The following DCC variants were observed in gnomAD, a reference collection of about 807,000 sequenced individuals.
DCC encodes DCC netrin 1 receptor.
In DCC, 58 loss-of-function variants were observed where a neutral mutation model predicts 172.5. The ratio of observed to expected loss-of-function variants is 0.34; its 90% CI spans 0.27 to 0.42. DCC has a LOEUF of 0.42. Ranked by LOEUF, DCC falls within the 10% of genes least tolerant of loss-of-function variation. The pLI is 1.00. For synonymous variants in DCC, 709 were observed against 644.5 expected, an observed-to-expected ratio of 1.10 and a Z score of -1.52; for missense variants, 1,740 against 1,791.0, an observed-to-expected ratio of 0.97 and a Z score of 0.51.
intron 1 of DCC, among the ~76,000 whole-genome samples, chr18:52,648,537 CTGTG>C (rs1258973309): frequency 2.0e-5 from 3 of 152,208 alleles, no homozygotes; most frequent in Non-Finnish European, 4.4e-5. Context: ...CTTTGTGATT[CTGTG>C]TATGTAGCAC....
intron 12 of DCC, among the ~76,000 whole-genome samples, chr18:53,260,907 C>T (rs2056589565): frequency 6.6e-6 from 1 of 152,156 alleles, no homozygotes; most frequent in Non-Finnish European, 1.5e-5. Context: ...CAATCGTAGG[C>T]ACCCCTCCCC....
At chr18:52,784,385 G>T (rs58016873) in intron 2 of DCC, among the ~76,000 whole-genome samples, 131 of 152,160 alleles carry the variant, frequency 8.6e-4, no homozygotes, top group African/African-American at 3.1e-3. Flanking sequence ...GGGGGTGAAG[G>T]TATCTCTTTG....
chr18:53,357,470 G>GA (rs1188455755), intron 15 of DCC, among the ~76,000 whole-genome samples: 2 of 152,080 alleles, frequency 1.3e-5, no homozygotes, highest in African/African-American at 4.8e-5. Flanking sequence ...TTTAAAATTG[G>GA]AAAAATCAAT....
intron 5 of DCC, among the ~76,000 whole-genome samples, chr18:52,972,694 G>T (rs1020314773): frequency 2.0e-5 from 3 of 152,120 alleles, no homozygotes; most frequent in Admixed American, 2.0e-4. Flanking sequence ...CCTCTTCTTT[G>T]CTATGTTAGC....
chr18:52,902,297 C>A (rs1255943174), intron 2 of DCC, among the ~76,000 whole-genome samples: 3 of 152,172 alleles, frequency 2.0e-5, no homozygotes, highest in Admixed American at 6.6e-5. Flanking sequence ...CTGAGTGAAG[C>A]AAAACCTTTA....
chr18:52,477,584 A>G (rs1187064773), intron 1 of DCC, among the ~76,000 whole-genome samples: 1 of 152,096 alleles, frequency 6.6e-6, no homozygotes, highest in Non-Finnish European at 1.5e-5. Context: ...ATAGCTTTCT[A>G]CAGGAGTCAC....
chr18:53,456,519 G>C (rs2045485317), intron 23 of DCC, among the ~76,000 whole-genome samples: 1 of 152,140 alleles, frequency 6.6e-6, no homozygotes, highest in Non-Finnish European at 1.5e-5. Context: ...AGAAAAACTA[G>C]CTTTAAAATA....
At chr18:53,262,366 T>C (rs559073534) in intron 12 of DCC, among the ~76,000 whole-genome samples, 1 of 152,374 alleles carries the variant, frequency 6.6e-6, no homozygotes, top group South Asian at 2.1e-4. Flanking sequence ...GTCTAACTCA[T>C]GACTTTCTGG....
intron 2 of DCC, among the ~76,000 whole-genome samples, chr18:52,773,017 T>C (rs528397899): frequency 6.6e-6 from 1 of 152,334 alleles, no homozygotes; most frequent in South Asian, 2.1e-4. Flanking sequence ...ACTGTATGGC[T>C]ATAGCTATCA....
At chr18:52,632,396 A>G (rs536962112) in intron 1 of DCC, among the ~76,000 whole-genome samples, 1 of 152,304 alleles carries the variant, frequency 6.6e-6, no homozygotes, top group South Asian at 2.1e-4. Context: ...CAACATGTAC[A>G]TAGCCCACTG....
intron 2 of DCC, among the ~76,000 whole-genome samples, chr18:52,782,217 A>G (rs1308515377): frequency 6.6e-6 from 1 of 152,158 alleles, no homozygotes; most frequent in Non-Finnish European, 1.5e-5. Context: ...TATATAGTTC[A>G]ACAGGCTCCT....
At chr18:53,039,319 T>G (rs535991707) in intron 5 of DCC, among the ~76,000 whole-genome samples, 5 of 152,066 alleles carry the variant, frequency 3.3e-5, no homozygotes, top group Non-Finnish European at 5.9e-5. Flanking sequence ...TAATTTTCCA[T>G]GCAAATGAAA....
intron 12 of DCC, among the ~76,000 whole-genome samples, chr18:53,217,735 T>C (rs757981245): frequency 2.6e-5 from 4 of 152,120 alleles, no homozygotes; most frequent in Non-Finnish European, 5.9e-5. Context: ...ATATTAATAT[T>C]TACCCCTGAC....
intron 12 of DCC, among the ~76,000 whole-genome samples, chr18:53,260,980 G>A (rs1326688832): frequency 3.9e-5 from 6 of 152,106 alleles, no homozygotes; most frequent in East Asian, 3.9e-4. Flanking sequence ...GCAAGGTTCC[G>A]TGGGCCTTGG....
chr18:53,045,679 T>C (rs1288445114), intron 5 of DCC, among the ~76,000 whole-genome samples: 1 of 151,966 alleles, frequency 6.6e-6, no homozygotes, highest in Non-Finnish European at 1.5e-5. Context: ...TTTGCCCTGC[T>C]GTTAAACATG....
intron 3 of DCC, among the ~76,000 whole-genome samples, chr18:52,915,602 G>C (rs1362817021): frequency 6.6e-6 from 1 of 152,068 alleles, no homozygotes; most frequent in Non-Finnish European, 1.5e-5. Flanking sequence ...AATATATTAA[G>C]TGTAAATAAA....
chr18:52,677,026 T>C (rs1368939568), intron 1 of DCC, among the ~76,000 whole-genome samples: 1 of 152,182 alleles, frequency 6.6e-6, no homozygotes, highest in Non-Finnish European at 1.5e-5. Context: ...AATCCTCTAA[T>C]AGTTTTTTAA....
chr18:53,414,917 C>A (rs1343834401), intron 20 of DCC, among the ~76,000 whole-genome samples: 6 of 152,112 alleles, frequency 3.9e-5, no homozygotes, highest in African/African-American at 1.4e-4. Flanking sequence ...GATATCTTTT[C>A]ATAGAATATG....
chr18:52,673,425 C>T (rs2035589371), intron 1 of DCC, among the ~76,000 whole-genome samples: 1 of 152,116 alleles, frequency 6.6e-6, no homozygotes. Context: ...TTAAGATTGT[C>T]TGATGTTTGT....
Sources: gnomAD v4.1 joint callset for allele counts (sites outside exome capture counted in the v4.1 genomes callset) on GRCh38, gnomAD v4.1.1 for gene constraint, MANE v1.5 for transcripts, NCBI Gene and HGNC (gene_info 2026-07-23, HGNC 2026-07-21) for gene names.